The following ZNF530 variants were observed in gnomAD, a reference collection of about 807,000 sequenced individuals.
The protein encoded by ZNF530 is zinc finger protein 530.
In ZNF530, 5 loss-of-function variants were observed where a neutral mutation model predicts 2.8. The ratio of observed to expected loss-of-function variants is 1.80; its 90% CI spans 0.94 to 3.78. The LOEUF is 3.78. Among genes scored for constraint, ZNF530 ranks in the 30% most tolerant of loss-of-function variants. The pLI, the probability that ZNF530 is intolerant of heterozygous loss-of-function variation, is 0.00. For missense variants in ZNF530, 619 were observed against 673.3 expected (o/e 0.92, Z 0.89); for synonymous variants, 229 against 235.0 (o/e 0.97, Z 0.23).
intron 1 of ZNF530, 102 bp downstream of exon 1, chr19:57,600,236 A>G: frequency 7.6e-7 from 1 of 1,314,612 alleles, no homozygotes; most frequent in Non-Finnish European, 1.0e-6. Flanking sequence ...CGGCACAGTG[A>G]GGCGCTGGTG....
At chr19:57,610,409 CATAT>C (rs1325675247), downstream of ZNF530, among the ~76,000 whole-genome samples, 3 of 119,158 alleles carry the variant, frequency 2.5e-5, no homozygotes, top group African/African-American at 6.4e-5. Flanking sequence ...CAAAAGTGTA[CATAT>C]GTGTGTGTGT....
chr19:57,607,347 CTTT>C lies in ZNF530; in HGVS notation c.*36_*38del, dbSNP rs10715037. 2,546 of 1,377,378 alleles carry C rather than the reference CTTT, an allele frequency of 1.8e-3. No homozygotes were observed. Among genetic ancestry groups the C allele is most frequent in the South Asian group, 4.6e-3 (322 of 70,684 alleles). 85.3% of individuals were successfully genotyped at this position (1,377,378 alleles called of 1,614,324 possible). A position where few individuals can be genotyped will look rare whatever the true frequency, so the allele number is the denominator to read the frequency against. On this transcript the variant is annotated 3_prime_UTR_variant, in exon 4 of 4. Transcript: ENST00000597700. The stretch of plus-strand genomic sequence containing the variant: ...GTGAATGTGGGAAATTATTTTGTCA[CTTT>C]TTTTTTTTTTTTTGAGATGGAATTT...
At position 57,609,973 on chromosome 19, in the gene ZNF530, TAG is replaced by T. The variant is rs1980808956; in HGVS notation, c.*2651_*2652del. On this transcript the variant is annotated 3_prime_UTR_variant, in exon 4 of 4. Transcript: ENST00000597700. ...CTACGTGGCCTGGGGAGCTAGATGG[TAG>T]AGTCAATAGAGACTTAGTAAACCAG... Among the ~76,000 whole-genome samples the T allele has an allele frequency of 6.6e-6, 1 of 152,126 alleles. No individual in the cohort carries two copies. Among genetic ancestry groups the T allele is most frequent in the Admixed American group, 6.5e-5 (1 of 15,268 alleles).
chr19:57,601,782 T>A (rs1980254030), intron 2 of ZNF530, among the ~76,000 whole-genome samples: 1 of 152,124 alleles, frequency 6.6e-6, no homozygotes, highest in African/African-American at 2.4e-5. Context: ...TTAGCGCTAG[T>A]CTCCACTTCT....
In ZNF530 at chr19:57,606,852, G is replaced by A. The variant is rs868703087; in HGVS notation, c.1228G>A (p.Val410Ile). The change falls in exon 4 of 4, where the codon GTT becomes ATT. Residue 410 changes from valine to isoleucine, a missense_variant. Val to Ile is a conservative substitution (Grantham distance 29). Transcript: ENST00000597700. ...RPYECSECGK[V>I]FSQSSGLFRH... ...TTATGAGTGCAGTGAATGTGGGAAA[G>A]TTTTTAGCCAAAGCTCTGGCCTCTT... 6.2e-7 allele frequency: 1 copy of A among 1,601,954 alleles called. No individual in the cohort carries two copies. The highest frequency in any genetic ancestry group is 8.5e-7 in the Non-Finnish European group (1 of 1,174,358).
rs1022149606 is a variant in ZNF530, at chr19:57,607,915, C to T, written c.*590C>T. On this transcript the variant is annotated 3_prime_UTR_variant, in exon 4 of 4. Coordinates refer to ENST00000597700, the MANE Select transcript of ZNF530 (RefSeq NM_001321981.2). ...TTCGTGTCACTGCCAGTTTCTGCGG[C>T]TGAAGCCTTTTCATCACTACCCGCT... 1 of 154,574 alleles carries T rather than the reference C, an allele frequency of 6.5e-6. No individual in the cohort carries two copies. The highest frequency in any genetic ancestry group is 1.4e-5 in the Non-Finnish European group (1 of 69,674). 9.6% of individuals were successfully genotyped at this position (154,574 alleles called of 1,614,324 possible).
chr19:57,600,141 G>A lies in ZNF530; in HGVS notation c.-122+7G>A. The A allele has an allele frequency of 6.4e-7, 1 of 1,569,368 alleles. No individual in the cohort carries two copies. Among genetic ancestry groups the A allele is most frequent in the Non-Finnish European group, 8.6e-7 (1 of 1,156,374 alleles). The stretch of plus-strand genomic sequence containing the variant: ...ACTGAGGGCCCCGACCCAGGTGAGC[G>A]CTGCGTCCTCCCGGCCTCCTCTGCC... On this transcript the variant is annotated splice_region_variant and intron_variant, in intron 1 of 3. Transcript: ENST00000597700.
chr19:57,606,844 G>A lies in ZNF530; in HGVS notation c.1220G>A (p.Cys407Tyr). 1 of 1,614,168 alleles carries A rather than the reference G, an allele frequency of 6.2e-7. No homozygotes were observed. Among genetic ancestry groups the A allele is most frequent in the Non-Finnish European group, 8.5e-7 (1 of 1,180,022 alleles). ...GAAAGGCCTTATGAGTGCAGTGAAT[G>A]TGGGAAAGTTTTTAGCCAAAGCTCT... ...TGERPYECSE[C>Y]GKVFSQSSGL... The change falls in exon 4 of 4, where the codon TGT becomes TAT. Residue 407 changes from cysteine to tyrosine, a missense_variant. Transcript: ENST00000597700.
downstream of ZNF530, among the ~76,000 whole-genome samples, chr19:57,610,101 A>G (rs1980814455): frequency 6.6e-6 from 1 of 152,198 alleles, no homozygotes; most frequent in African/African-American, 2.4e-5. Flanking sequence ...AAAGTGTACA[A>G]CTTGATAAGT....
chr19:57,603,869 G>C (rs1176581085), intron 2 of ZNF530, among the ~76,000 whole-genome samples: 1 of 152,190 alleles, frequency 6.6e-6, no homozygotes, highest in African/African-American at 2.4e-5. Flanking sequence ...GATCGGGGTG[G>C]AGGTGGCTGA....
intron 1 of ZNF530, 138 bp downstream of exon 1, chr19:57,600,272 C>G: frequency 8.8e-7 from 1 of 1,131,122 alleles, no homozygotes; most frequent in Non-Finnish European, 1.2e-6. Flanking sequence ...GGTAGTGTGG[C>G]AGGGAGCGGG....
At position 57,606,883 on chromosome 19, in the gene ZNF530, A is replaced by G. The variant is rs1272508478; in HGVS notation, c.1259A>G (p.His420Arg). The G allele has an allele frequency of 6.2e-7, 1 of 1,614,094 alleles. No individual in the cohort carries two copies. Among genetic ancestry groups the G allele is most frequent in the Non-Finnish European group, 8.5e-7 (1 of 1,179,986 alleles). Reference protein sequence around the residue: ...VFSQSSGLFRHRRAHTKTKPY... With the variant: ...VFSQSSGLFRRRRAHTKTKPY... The stretch of plus-strand genomic sequence containing the variant: ...AGCCAAAGCTCTGGCCTCTTTCGAC[A>G]CAGAAGAGCTCACACTAAAACAAAG... Residue 420 changes from histidine to arginine, a missense_variant, in exon 4 of 4, where the codon CAC (histidine) becomes CGC (arginine). Transcript: ENST00000597700.
chr19:57,610,379 C>A (rs1244445267), downstream of ZNF530, among the ~76,000 whole-genome samples: 1 of 150,818 alleles, frequency 6.6e-6, no homozygotes, highest in Non-Finnish European at 1.5e-5. Context: ...TGTCCAACAC[C>A]ATTGATAGGG....
Position 57,606,154 on chromosome 19 carries a change from C to T in ZNF530, c.530C>T (p.Pro177Leu), listed in dbSNP as rs1216525469. Residue 177 changes from proline to leucine, a missense_variant, in exon 4 of 4, where the codon CCT (proline) becomes CTT (leucine). Physicochemically the swap from Pro to Leu is moderately conservative, Grantham distance 98. Transcript: ENST00000597700. ...TTGAGAGTTCCCACTGGACGAAAGC[C>T]TCTCAAATACACTGAATCCAGGAAA... ...RHLRVPTGRK[P>L]LKYTESRKSF... 5.6e-6 allele frequency: 9 copies of T among 1,614,240 alleles called. No homozygotes were observed. Among genetic ancestry groups the T allele is most frequent in the Non-Finnish European group, 7.6e-6 (9 of 1,180,052 alleles).
Position 57,606,818 on chromosome 19 carries a change from A to ACAG in ZNF530, c.1194_1195insCAG (p.Gly398_Glu399insGln). On this transcript the variant is annotated inframe_insertion, in exon 4 of 4. Transcript: ENST00000597700. ...TTCAACACCAAAGAGTTCACACTGG[A>ACAG]GAAAGGCCTTATGAGTGCAGTGAAT... 6.2e-7 allele frequency: 1 copy of ACAG among 1,614,154 alleles called. No homozygotes were observed. Among genetic ancestry groups the ACAG allele is most frequent in the Non-Finnish European group, 8.5e-7 (1 of 1,180,016 alleles).
chr19:57,612,672 T>A (rs1221860813), downstream of ZNF530: 3 of 395,006 alleles, frequency 7.6e-6, no homozygotes, highest in Non-Finnish European at 1.3e-5. Flanking sequence ...CACAGTGAGA[T>A]CCTGTCTCCA....
chr19:57,606,837 A>G lies in ZNF530; in HGVS notation c.1213A>G (p.Ser405Gly), dbSNP rs1435764067. ...CACTGGAGAAAGGCCTTATGAGTGC[A>G]GTGAATGTGGGAAAGTTTTTAGCCA... is the stretch of plus-strand genomic sequence containing the variant. ...VHTGERPYEC[S>G]ECGKVFSQSS... Residue 405 changes from serine (S) to glycine (G), a missense_variant, in exon 4 of 4, where the codon AGT (serine) becomes GGT (glycine). By Grantham distance (56) the Ser-to-Gly change is moderately conservative. Transcript: ENST00000597700. 6.2e-7 allele frequency: 1 copy of G among 1,614,176 alleles called. No homozygotes were observed. The highest frequency in any genetic ancestry group is 2.2e-5 in the East Asian group (1 of 44,874).
At chr19:57,604,754 G>T in intron 3 of ZNF530, 1 of 192,794 alleles carries the variant, frequency 5.2e-6, no homozygotes, top group Non-Finnish European at 1.1e-5. Flanking sequence ...GCCTGTTTCA[G>T]GAATTGCAGG....
At position 57,607,315 on chromosome 19, in the gene ZNF530, A is replaced by G. The variant is rs140581719; in HGVS notation, c.1691A>G (p.His564Arg). ...GGCCTCTTAAGACACAGAAGAGTTCATGTGCAGTGAATGTGGGAAATTATT... is the reference window on the plus strand; with the variant it reads ...GGCCTCTTAAGACACAGAAGAGTTCGTGTGCAGTGAATGTGGGAAATTATT... ...SSGLLRHRRVHVQ is the reference protein window; with the variant it reads ...SSGLLRHRRVRVQ Residue 564 changes from histidine to arginine, a missense_variant, in exon 4 of 4, where the codon CAT becomes CGT. By Grantham distance (29) the His-to-Arg change is conservative (BLOSUM62 0). Transcript: ENST00000597700. The G allele has an allele frequency of 2.3e-5, 36 of 1,576,126 alleles. No homozygotes were observed. In the Admixed American group the frequency reaches 3.4e-4, roughly 15 times the overall value.
Sources: allele counts gnomAD v4.1 joint callset (sites outside exome capture counted in the v4.1 genomes callset), GRCh38; gene constraint gnomAD v4.1.1; transcripts MANE v1.5; gene names NCBI Gene and HGNC (gene_info 2026-07-23, HGNC 2026-07-21).